Variants in THRB observed in about 807,000 individuals in gnomAD.
The protein encoded by THRB is nuclear receptor subfamily 1 group A member 2.
THRB carries 12 observed loss-of-function variants against 47.8 expected under a neutral mutation model. That is an observed-to-expected ratio of 0.25 (90% CI 0.16 to 0.41). The LOEUF (loss-of-function observed/expected upper bound fraction) is 0.41. THRB is among the 10% of genes least tolerant of loss of function. The pLI, the probability that THRB is intolerant of heterozygous loss-of-function variation, is 1.00. For synonymous variants in THRB, 218 were observed against 212.2 expected (o/e 1.03, Z -0.24); for missense variants, 348 against 589.2 (o/e 0.59, Z 4.24).
Position 24,340,194 on chromosome 3 carries a change from G to A in THRB, c.-260-2823C>T, listed in dbSNP as rs531018607. 4.6e-5 allele frequency among the ~76,000 whole-genome samples: 7 copies of A among 152,282 alleles called. No individual in the cohort carries two copies. In the South Asian group the frequency reaches 1.5e-3, roughly 32 times the overall value. On this transcript the variant is annotated intron_variant, in intron 1 of 10. Transcript: ENST00000646209. ...CTGTTTTTTGACAGTAACTTTGTAT[G>A]AATGAAATTGCACAGAACAAACTAG...
chr3:24,168,419 T>C (rs995028712), intron 5 of THRB, among the ~76,000 whole-genome samples: 1 of 151,524 alleles, frequency 6.6e-6, no homozygotes, highest in African/African-American at 2.4e-5. Context: ...ATTTCACTTA[T>C]AGTGCATCCA....
chr3:24,243,904 GAGGA>G (rs4024152), intron 3 of THRB, among the ~76,000 whole-genome samples: 89,492 of 151,392 alleles, frequency 0.59, 26,647 homozygotes, highest in East Asian at 0.8. Flanking sequence ...GTGCTGAATG[GAGGA>G]AGGGAGGCCC....
In THRB at chr3:24,261,505, A is replaced by C. The variant is rs565473502; in HGVS notation, c.-42-32504T>G. Among the ~76,000 whole-genome samples the C allele has an allele frequency of 2.8e-3, 413 of 149,872 alleles. 11 individuals carry two copies. Among genetic ancestry groups the C allele is most frequent in the East Asian group, 0.026 (133 of 5,120 alleles). On this transcript the variant is annotated intron_variant, in intron 3 of 10. Coordinates refer to ENST00000646209, the MANE Select transcript of THRB (RefSeq NM_001354712.2). ...AGAGCGCGATTCTGTCTCAAAAAAA[A>C]AAAAAAAAAAAAACCAAAAAAAACT...
chr3:24,481,229 G>GTTTTGTTTTTTT (rs1696316795), intron 1 of THRB, among the ~76,000 whole-genome samples: 5 of 55,368 alleles, frequency 9.0e-5, no homozygotes, highest in African/African-American at 3.8e-4. Context: ...GTTTCTTTCT[G>GTTTTGTTTTTTT]TTTTTTTTTT....
chr3:24,309,490 A>G (rs113536840), intron 2 of THRB, among the ~76,000 whole-genome samples: 7 of 152,176 alleles, frequency 4.6e-5, no homozygotes, highest in African/African-American at 1.7e-4. Flanking sequence ...CCTTCAGCCT[A>G]CAGAAAAAAT....
chr3:24,217,864 T>G (rs1407263060), intron 4 of THRB, among the ~76,000 whole-genome samples: 1 of 152,246 alleles, frequency 6.6e-6, no homozygotes, highest in Non-Finnish European at 1.5e-5. Flanking sequence ...TAAAGATGCT[T>G]ATTTTATCAG....
chr3:24,204,216 C>T (rs997124586), intron 4 of THRB, among the ~76,000 whole-genome samples: 4 of 152,232 alleles, frequency 2.6e-5, no homozygotes, highest in African/African-American at 9.6e-5. Flanking sequence ...TCAAGTGGGT[C>T]CCCGACCCCT....
At chr3:24,208,372 A>G (rs1330833683) in intron 4 of THRB, among the ~76,000 whole-genome samples, 1 of 152,240 alleles carries the variant, frequency 6.6e-6, no homozygotes, top group Non-Finnish European at 1.5e-5. Flanking sequence ...TGGAACGAAA[A>G]AAGAGCCCGC....
At chr3:24,437,117 CATAT>C (rs2071044167) in intron 1 of THRB, among the ~76,000 whole-genome samples, 1 of 145,834 alleles carries the variant, frequency 6.9e-6, no homozygotes, top group South Asian at 2.1e-4. Context: ...TATATACATA[CATAT>C]AATGAAATAT....
At chr3:24,171,403 A>T (rs1022868323) in intron 5 of THRB, among the ~76,000 whole-genome samples, 1 of 152,192 alleles carries the variant, frequency 6.6e-6, no homozygotes, top group African/African-American at 2.4e-5. Flanking sequence ...TCCAGACGCT[A>T]ACACATATGG....
chr3:24,211,124 T>G (rs2149852556), intron 4 of THRB, among the ~76,000 whole-genome samples: 1 of 147,042 alleles, frequency 6.8e-6, no homozygotes, highest in East Asian at 2.0e-4. Context: ...CACTTGAACC[T>G]GGGAGGCAGA....
intron 3 of THRB, among the ~76,000 whole-genome samples, chr3:24,293,214 A>G (rs1483840070): frequency 6.6e-6 from 1 of 152,192 alleles, no homozygotes; most frequent in Non-Finnish European, 1.5e-5. Flanking sequence ...GAATTTGAGA[A>G]TGTTGAGACG....
chr3:24,323,097 TA>T (rs1460992419), intron 2 of THRB, among the ~76,000 whole-genome samples: 1 of 152,200 alleles, frequency 6.6e-6, no homozygotes, highest in Non-Finnish European at 1.5e-5. Context: ...AGGGTTTCCA[TA>T]AAGTGATGTC....
intron 2 of THRB, among the ~76,000 whole-genome samples, chr3:24,317,396 G>A (rs2058192261): frequency 3.3e-5 from 5 of 152,178 alleles, no homozygotes; most frequent in Admixed American, 3.3e-4. Flanking sequence ...GGCTGCCTCT[G>A]TTGTGCTCAC....
chr3:24,366,278 G>A (rs1007928236), intron 1 of THRB, among the ~76,000 whole-genome samples: 3 of 152,080 alleles, frequency 2.0e-5, no homozygotes, highest in Non-Finnish European at 4.4e-5. Context: ...ACTAATTGTA[G>A]CCATCTTGCC....
chr3:24,311,438 T>A (rs1246447044), intron 2 of THRB, among the ~76,000 whole-genome samples: 1 of 152,158 alleles, frequency 6.6e-6, no homozygotes, highest in Non-Finnish European at 1.5e-5. Context: ...TTTCATAGAC[T>A]CTTCCAACCA....
chr3:24,349,426 T>G (rs2063224780), intron 1 of THRB, among the ~76,000 whole-genome samples: 1 of 152,098 alleles, frequency 6.6e-6, no homozygotes, highest in Non-Finnish European at 1.5e-5. Flanking sequence ...AGAAGAATAT[T>G]AGAGGACTTA....
chr3:24,124,781 A>C (rs2032409505), intron 10 of THRB, among the ~76,000 whole-genome samples: 1 of 152,256 alleles, frequency 6.6e-6, no homozygotes, highest in South Asian at 2.1e-4. Context: ...GGCACACAAA[A>C]CATGGGGCTT....
chr3:24,273,215 G>A (rs979090622), intron 3 of THRB, among the ~76,000 whole-genome samples: 1 of 152,148 alleles, frequency 6.6e-6, no homozygotes, highest in African/African-American at 2.4e-5. Flanking sequence ...ATTTGCAGGA[G>A]GCTGTTAACT....
Sources: allele counts gnomAD v4.1 joint callset (sites outside exome capture counted in the v4.1 genomes callset), GRCh38; gene constraint gnomAD v4.1.1; transcripts MANE v1.5; gene names NCBI Gene and HGNC (gene_info 2026-07-23, HGNC 2026-07-21).